Variants in NAV2 observed in about 807,000 individuals in gnomAD.
The protein encoded by NAV2 is helicase, APC down-regulated 1.
A neutral mutation model predicts 223.2 loss-of-function variants in NAV2; 54 were observed. That is an observed-to-expected ratio of 0.24 (90% CI 0.19 to 0.30). The LOEUF (loss-of-function observed/expected upper bound fraction) is 0.30, where lower values mean the gene tolerates loss of function less well. Ranked by LOEUF, NAV2 falls within the 10% of genes least tolerant of loss-of-function variation. The pLI, the probability that NAV2 is intolerant of heterozygous loss-of-function variation, is 1.00. For missense variants in NAV2, 2,806 were observed against 3,147.5 expected, an observed-to-expected ratio of 0.89 and a Z score of 2.60; for synonymous variants, 1,279 against 1,239.3, an observed-to-expected ratio of 1.03 and a Z score of -0.67.
At chr11:19,621,648 C>A (rs1171344768) in intron 1 of NAV2, among the ~76,000 whole-genome samples, 1 of 151,862 alleles carries the variant, frequency 6.6e-6, no homozygotes, top group Non-Finnish European at 1.5e-5. Flanking sequence ...TTCTCTCATT[C>A]CTTCTTTATT....
chr11:19,615,943 C>A (rs2046775788), intron 1 of NAV2, among the ~76,000 whole-genome samples: 1 of 152,136 alleles, frequency 6.6e-6, no homozygotes, highest in African/African-American at 2.4e-5. Context: ...AGCCCCTACC[C>A]CTAACCCTGT....
At chr11:20,111,777 C>T (rs1019886395) in intron 36 of NAV2, among the ~76,000 whole-genome samples, 1 of 152,196 alleles carries the variant, frequency 6.6e-6, no homozygotes, top group Non-Finnish European at 1.5e-5. Context: ...CTTGGGTTCT[C>T]CATCTATAAA....
intron 1 of NAV2, among the ~76,000 whole-genome samples, chr11:19,445,344 CTG>C (rs1564941310): frequency 1.3e-5 from 2 of 152,068 alleles, no homozygotes; most frequent in Admixed American, 6.5e-5. Context: ...GTGCTGGACA[CTG>C]TGGGAGATAC....
At chr11:19,437,369 A>T (rs755758910) in intron 1 of NAV2, among the ~76,000 whole-genome samples, 3 of 152,106 alleles carry the variant, frequency 2.0e-5, no homozygotes, top group Non-Finnish European at 2.9e-5. Context: ...GTCATCCTTT[A>T]AATATTTATT....
chr11:19,948,342 C>T (rs1157327560), intron 9 of NAV2, among the ~76,000 whole-genome samples: 1 of 152,158 alleles, frequency 6.6e-6, no homozygotes, highest in East Asian at 1.9e-4. Flanking sequence ...CCTCAGCCTC[C>T]CAAAGTGCTA....
intron 1 of NAV2, among the ~76,000 whole-genome samples, chr11:19,751,377 G>A (rs1050015171): frequency 3.9e-5 from 6 of 152,104 alleles, no homozygotes; most frequent in African/African-American, 1.4e-4. Context: ...CAGCTGCCAG[G>A]GGTCTGGTAC....
chr11:19,466,950 CTCTT>C (rs1356281076), intron 1 of NAV2, among the ~76,000 whole-genome samples: 3 of 151,788 alleles, frequency 2.0e-5, no homozygotes, highest in Non-Finnish European at 4.4e-5. Flanking sequence ...CCATGATTCA[CTCTT>C]TCTATCTTGT....
chr11:20,052,244 T>C lies in NAV2; in HGVS notation c.4481+911T>C, dbSNP rs545304262. Among the ~76,000 whole-genome samples the C allele has an allele frequency of 1.2e-4, 19 of 152,376 alleles. No individual in the cohort carries two copies. The South Asian group carries it at 3.9e-3, about 32-fold the overall frequency. ...GTCTATAGTTAATAACCTGCAGCTC[T>C]TAAGACTGAGAGCATTTTGAACAGT... On this transcript the variant is annotated intron_variant, in intron 17 of 37. Transcript: ENST00000349880.
chr11:19,915,955 C>A (rs931683028), intron 6 of NAV2, among the ~76,000 whole-genome samples: 12 of 152,212 alleles, frequency 7.9e-5, no homozygotes, highest in African/African-American at 2.9e-4. Flanking sequence ...CAGATGTATA[C>A]CTGTCATCTG....
intron 1 of NAV2, among the ~76,000 whole-genome samples, chr11:19,688,146 G>A (rs1399001248): frequency 6.6e-6 from 1 of 152,168 alleles, no homozygotes; most frequent in Non-Finnish European, 1.5e-5. Flanking sequence ...TCAAGCTGAA[G>A]TATTCTTACA....
chr11:20,062,391 T>A, intron 20 of NAV2, 32 bp downstream of exon 20: 1 of 1,545,280 alleles, frequency 6.5e-7, no homozygotes, highest in Non-Finnish European at 8.9e-7. Context: ...GTGGCTGTGA[T>A]CATGAGAACT....
intron 1 of NAV2, among the ~76,000 whole-genome samples, chr11:19,696,310 T>C (rs2049339807): frequency 6.6e-6 from 1 of 152,268 alleles, no homozygotes. Context: ...AGTGCATTTG[T>C]CCATTTCAAG....
At chr11:19,433,244 A>G (rs1180939122) in intron 1 of NAV2, among the ~76,000 whole-genome samples, 2 of 152,202 alleles carry the variant, frequency 1.3e-5, no homozygotes, top group African/African-American at 4.8e-5. Context: ...GGTCAGTTTC[A>G]GCTTTCTAAC....
At chr11:19,871,459 TCTG>T (rs1479532614) in intron 4 of NAV2, among the ~76,000 whole-genome samples, 3 of 152,202 alleles carry the variant, frequency 2.0e-5, no homozygotes, top group Non-Finnish European at 4.4e-5. Context: ...GAAGCAGAGT[TCTG>T]CTGCTGGGGA....
chr11:19,771,281 G>A (rs1342824263), intron 1 of NAV2, among the ~76,000 whole-genome samples: 2 of 152,170 alleles, frequency 1.3e-5, no homozygotes, highest in African/African-American at 4.8e-5. Flanking sequence ...TATAAGAGGA[G>A]TTGTACTGTT....
intron 1 of NAV2, among the ~76,000 whole-genome samples, chr11:19,481,062 T>G (rs901566): frequency 0.93 from 141,791 of 152,214 alleles, 66,877 homozygotes; most frequent in East Asian, 1. Context: ...GGTGACTGCT[T>G]GGTAGGTTTT....
chr11:19,784,432 A>G (rs897027254), intron 1 of NAV2, among the ~76,000 whole-genome samples: 1 of 149,606 alleles, frequency 6.7e-6, no homozygotes, highest in Non-Finnish European at 1.5e-5. Context: ...GCTTTATTGC[A>G]AAAGTGACAT....
At chr11:20,014,011 C>T (rs1160735834) in intron 11 of NAV2, among the ~76,000 whole-genome samples, 1 of 152,178 alleles carries the variant, frequency 6.6e-6, no homozygotes, top group African/African-American at 2.4e-5. Flanking sequence ...TGCCCTGCAG[C>T]GCATCCTACA....
chr11:19,781,019 G>A (rs1424967787), intron 1 of NAV2, among the ~76,000 whole-genome samples: 1 of 152,196 alleles, frequency 6.6e-6, no homozygotes, highest in Non-Finnish European at 1.5e-5. Flanking sequence ...TAGCTAACAT[G>A]TGTTGAACCT....
Sources: allele counts gnomAD v4.1 joint callset (sites outside exome capture counted in the v4.1 genomes callset), GRCh38; gene constraint gnomAD v4.1.1; transcripts MANE v1.5; gene names NCBI Gene and HGNC (gene_info 2026-07-23, HGNC 2026-07-21).